The following TSHR variants were observed in gnomAD, a reference collection of about 807,000 sequenced individuals.
TSHR encodes thyrotropin receptor.
TSHR carries 51 observed loss-of-function variants against 64.1 expected under a neutral mutation model. The ratio of observed to expected loss-of-function variants is 0.80; its 90% CI spans 0.64 to 1.01. The LOEUF (loss-of-function observed/expected upper bound fraction) is 1.01. Ranked by LOEUF, TSHR falls within the 50% of genes least tolerant of loss-of-function variation. The pLI is 0.00. For missense variants in TSHR, 877 were observed against 942.8 expected (o/e 0.93, Z 0.91); for synonymous variants, 361 against 361.9 (o/e 1.00, Z 0.03).
chr14:81,144,214 T>C lies in TSHR; in HGVS notation c.2156T>C (p.Ile719Thr). ...QRVPPKNSTD[I>T]QVQKVTHEMR... is the part of the protein sequence containing the mutation. ...GTTCCTCCAAAGAACAGCACTGATA[T>C]TCAGGTTCAAAAGGTTACCCACGAG... The change falls in exon 10 of 10, where the codon ATT (isoleucine) becomes ACT (threonine). Residue 719 changes from isoleucine (I) to threonine (T), a missense_variant. By Grantham distance (89) the Ile-to-Thr change is moderately conservative. Coordinates refer to ENST00000298171, the MANE Select transcript of TSHR (RefSeq NM_000369.5). 1.2e-6 allele frequency: 2 copies of C among 1,613,446 alleles called. No individual in the cohort carries two copies. Among genetic ancestry groups the C allele is most frequent in the African/African-American group, 1.3e-5 (1 of 74,962 alleles).
intron 1 of TSHR, among the ~76,000 whole-genome samples, chr14:81,015,858 A>C (rs545227781): frequency 6.6e-6 from 1 of 152,246 alleles, no homozygotes; most frequent in African/African-American, 2.4e-5. Context: ...TTCTACATAT[A>C]AGTGAGATCA....
rs557361489 is a variant in TSHR at position 81,075,764 on chromosome 14, A to G, written c.317+7436A>G. Among the ~76,000 whole-genome samples the G allele has an allele frequency of 3.0e-3, 456 of 151,498 alleles. 3 individuals are homozygous for G. The highest frequency in any genetic ancestry group is 6.8e-3 in the Middle Eastern group (2 of 294). On this transcript the variant is annotated intron_variant, in intron 3 of 9. Transcript: ENST00000298171. ...ATTCCTCAGGGATCTAGAACTAGAA[A>G]TACCATTTGACCCAGCCATCCCATT...
At chr14:81,108,550 G>A (rs1890067455) in intron 8 of TSHR, 98 bp downstream of exon 8, 1 of 1,609,128 alleles carries the variant, frequency 6.2e-7, no homozygotes, top group Non-Finnish European at 8.5e-7. Context: ...ATGTTCAAGG[G>A]TAGAAAATGT....
At chr14:81,037,137 G>T (rs1884665948) in intron 1 of TSHR, among the ~76,000 whole-genome samples, 1 of 141,422 alleles carries the variant, frequency 7.1e-6, no homozygotes, top group Admixed American at 6.9e-5. Flanking sequence ...GCAAGACTCA[G>T]TCTCAAAAAA....
intron 7 of TSHR, among the ~76,000 whole-genome samples, 178 bp from the exon 8 acceptor site, chr14:81,108,197 A>C (rs775438042): frequency 2.0e-5 from 3 of 152,224 alleles, no homozygotes; most frequent in Non-Finnish European, 4.4e-5. Flanking sequence ...AAAACTTTAT[A>C]CAATTGAAAC....
At chr14:81,079,682 T>C (rs145999904) in intron 3 of TSHR, among the ~76,000 whole-genome samples, 2,602 of 152,096 alleles carry the variant, frequency 0.017, 31 homozygotes, top group Middle Eastern at 0.051. Flanking sequence ...TGAGACATCA[T>C]CTCTATGAAA....
intron 3 of TSHR, among the ~76,000 whole-genome samples, chr14:81,069,890 CAT>C (rs1186140169): frequency 1.3e-5 from 2 of 152,094 alleles, no homozygotes; most frequent in African/African-American, 2.4e-5. Context: ...AAATAACTAA[CAT>C]GTTCAAAAAT....
Position 81,145,575 on chromosome 14 carries a change from G to C in TSHR, c.*1222G>C, listed in dbSNP as rs2288495. 93,748 of 232,644 alleles carry C rather than the reference G, an allele frequency of 0.4. 20,819 individuals carry two copies. Among genetic ancestry groups the C allele is most frequent in the Non-Finnish European group, 0.49 (57,631 of 117,846 alleles). 14.4% of individuals were successfully genotyped at this position (232,644 alleles called of 1,614,324 possible). On this transcript the variant is annotated 3_prime_UTR_variant, in exon 10 of 10. Coordinates refer to ENST00000298171, the MANE Select transcript of TSHR (RefSeq NM_000369.5). ...GATGGTTGCAAATTTTGGCTATTTA[G>C]AGTTGCTACTTCACTATGAAGAGTC...
At chr14:81,056,344 G>A (rs1024267267) in intron 1 of TSHR, among the ~76,000 whole-genome samples, 1 of 152,016 alleles carries the variant, frequency 6.6e-6, no homozygotes, top group African/African-American at 2.4e-5. Context: ...AACTACACAG[G>A]AAACTTTCGG....
chr14:81,033,371 C>T (rs1219411492), intron 1 of TSHR: 1 of 265,170 alleles, frequency 3.8e-6, no homozygotes, highest in Non-Finnish European at 7.6e-6. Flanking sequence ...AGGGGCCATC[C>T]TGGCCACTTT....
At chr14:81,135,085 T>G (rs1172971026) in intron 8 of TSHR, among the ~76,000 whole-genome samples, 1 of 152,174 alleles carries the variant, frequency 6.6e-6, no homozygotes, top group East Asian at 1.9e-4. Context: ...ACCTTAAATT[T>G]TATAGCCAGC....
At chr14:81,048,495 G>A (rs1437489071) in intron 1 of TSHR, among the ~76,000 whole-genome samples, 3 of 152,118 alleles carry the variant, frequency 2.0e-5, no homozygotes, top group African/African-American at 7.2e-5. Context: ...GATGAGTGCA[G>A]GGGTGTATGT....
chr14:81,094,712 GTCTC>G (rs1889028232), intron 6 of TSHR, among the ~76,000 whole-genome samples: 2 of 64,814 alleles, frequency 3.1e-5, no homozygotes, highest in Admixed American at 4.2e-4. Context: ...TTGAGACAGA[GTCTC>G]ACTCTGTCAC....
chr14:81,101,142 G>C (rs1889552487), intron 7 of TSHR, among the ~76,000 whole-genome samples: 1 of 152,156 alleles, frequency 6.6e-6, no homozygotes, highest in Admixed American at 6.6e-5. Flanking sequence ...TGTGTGCCAG[G>C]AAACAGATAA....
At chr14:81,068,131 T>G in intron 2 of TSHR, 123 bp from the exon 3 acceptor site, 18 of 866,430 alleles carry the variant, frequency 2.1e-5, no homozygotes, top group Non-Finnish European at 2.8e-5. Context: ...GCAGAATCCA[T>G]GAGGGTTGTA....
At chr14:81,020,224 TA>T (rs1197972441) in intron 1 of TSHR, among the ~76,000 whole-genome samples, 1 of 152,186 alleles carries the variant, frequency 6.6e-6, no homozygotes, top group African/African-American at 2.4e-5. Flanking sequence ...GTGCTAGAAA[TA>T]GCCAAAATGT....
intron 7 of TSHR, among the ~76,000 whole-genome samples, chr14:81,097,998 G>T (rs1156961181): frequency 6.6e-6 from 1 of 152,020 alleles, no homozygotes; most frequent in Non-Finnish European, 1.5e-5. Context: ...TTACAGAATT[G>T]GAGAGACCCT....
chr14:81,029,256 G>A (rs1594972302), intron 1 of TSHR, among the ~76,000 whole-genome samples: 2 of 151,424 alleles, frequency 1.3e-5, no homozygotes, highest in Non-Finnish European at 2.9e-5. Flanking sequence ...AATCTTCAGG[G>A]TTTTTTTTAA....
At chr14:81,138,490 C>T (rs1368932421) in intron 8 of TSHR, among the ~76,000 whole-genome samples, 1 of 152,074 alleles carries the variant, frequency 6.6e-6, no homozygotes, top group Non-Finnish European at 1.5e-5. Context: ...CACCCAGCAG[C>T]ACCAAGGGTA....
Sources: gnomAD v4.1 joint callset for allele counts (sites outside exome capture counted in the v4.1 genomes callset) on GRCh38, gnomAD v4.1.1 for gene constraint, MANE v1.5 for transcripts, NCBI Gene and HGNC (gene_info 2026-07-23, HGNC 2026-07-21) for gene names.